TRRAP: variants seen among roughly 807,000 people sequenced by gnomAD.
TRRAP encodes transformation/transcription domain-associated protein.
Under a neutral mutation model 438.8 loss-of-function variants are expected in TRRAP, and 41 were observed. That is an observed-to-expected ratio of 0.09 (90% CI 0.07 to 0.12). The LOEUF (loss-of-function observed/expected upper bound fraction) is 0.12, where lower values mean the gene tolerates loss of function less well. TRRAP is among the 10% of genes least tolerant of loss of function. TRRAP has a pLI of 1.00. For missense variants in TRRAP, 3,122 were observed against 5,055.1 expected (o/e 0.62, Z 11.60); for synonymous variants, 1,994 against 1,962.9 (o/e 1.02, Z -0.42).
intron 67 of TRRAP, chr7:98,998,948 T>C: frequency 1.7e-6 from 1 of 573,782 alleles, no homozygotes; most frequent in South Asian, 2.4e-5. Context: ...AAGGCAAAGT[T>C]ACAGCTGGAG....
intron 67 of TRRAP, among the ~76,000 whole-genome samples, chr7:98,997,483 C>CAAAAAAAAAAAAAAAA (rs61132070): frequency 1.2e-4 from 5 of 42,618 alleles, no homozygotes; most frequent in Non-Finnish European, 1.3e-4. Flanking sequence ...ACTGCTGTTG[C>CAAAAAAAAAAAAAAAA]AAAAAAAAAA....
chr7:99,009,020 A>C (rs1207541796), intron 70 of TRRAP, among the ~76,000 whole-genome samples: 2 of 152,090 alleles, frequency 1.3e-5, no homozygotes, highest in Non-Finnish European at 1.5e-5. Context: ...AAAATACAAA[A>C]AGCGACAGAC....
At chr7:99,007,318 T>C (rs976355907) in intron 69 of TRRAP, among the ~76,000 whole-genome samples, 6 of 152,196 alleles carry the variant, frequency 3.9e-5, no homozygotes, top group African/African-American at 1.4e-4. Flanking sequence ...GGAAAGCCTC[T>C]AAGAGTGAGC....
intron 22 of TRRAP, among the ~76,000 whole-genome samples, 184 bp from the exon 23 acceptor site, chr7:98,926,983 C>A (rs1347034764): frequency 6.6e-6 from 1 of 152,168 alleles, no homozygotes; most frequent in Non-Finnish European, 1.5e-5. Flanking sequence ...CGCGCCATTG[C>A]ACCCCAGCCT....
At chr7:98,900,130 C>G (rs1251550142) in intron 10 of TRRAP, among the ~76,000 whole-genome samples, 1 of 151,926 alleles carries the variant, frequency 6.6e-6, no homozygotes, top group African/African-American at 2.4e-5. Context: ...CCCCATCAGC[C>G]TTCATCTCCA....
At chr7:98,922,350 C>T (rs1240222769) in intron 21 of TRRAP, among the ~76,000 whole-genome samples, 2 of 152,222 alleles carry the variant, frequency 1.3e-5, no homozygotes, top group African/African-American at 4.8e-5. Flanking sequence ...ATTCCTGGCT[C>T]TCATCCCACT....
At chr7:98,880,794 A>C (rs79761995) in intron 1 of TRRAP, among the ~76,000 whole-genome samples, 7 of 152,168 alleles carry the variant, frequency 4.6e-5, no homozygotes, top group African/African-American at 1.7e-4. Context: ...CGTGGCCACA[A>C]AGATTAAAAT....
chr7:98,931,977 C>T (rs1487359901), intron 26 of TRRAP, among the ~76,000 whole-genome samples: 5 of 151,654 alleles, frequency 3.3e-5, no homozygotes, highest in Admixed American at 1.3e-4. Flanking sequence ...GGCTGGAGTG[C>T]AATCCTAGCT....
At chr7:98,904,864 GTGT>G (rs1407705560) in intron 12 of TRRAP, among the ~76,000 whole-genome samples, 1 of 152,186 alleles carries the variant, frequency 6.6e-6, no homozygotes, top group Admixed American at 6.5e-5. Context: ...TGTTAACTGT[GTGT>G]TACAGTTAAA....
chr7:99,011,361 T>G lies in TRRAP; in HGVS notation c.11163T>G (p.Val3721=). 1 of 1,614,212 alleles carries G rather than the reference T, an allele frequency of 6.2e-7. No individual in the cohort carries two copies. The highest frequency in any genetic ancestry group is 8.5e-7 in the Non-Finnish European group (1 of 1,180,010). Residue 3721 remains valine (V), a synonymous_variant, in exon 72 of 73, where the codon GTT becomes GTG. Coordinates refer to ENST00000456197, the MANE Select transcript of TRRAP (RefSeq NM_001375524.1). This position sits in a 1 kb window ranked among gnomAD's most constrained non-coding sequence, Gnocchi z 7.1. The part of the protein sequence containing the change: ...QIAQDTGKLN[V]AYFRFDINDA... ...TTTAGGACACTGGCAAACTGAATGT[T>G]GCCTACTTTCGATTTGACATAAACG...
intron 48 of TRRAP, 25 bp from the exon 49 acceptor site, chr7:98,965,671 G>A (rs1413682015): frequency 7.4e-6 from 12 of 1,613,544 alleles, no homozygotes; most frequent in East Asian, 2.2e-5. Flanking sequence ...AGACCCGTGG[G>A]TTTGTTCTTA....
chr7:98,898,300 C>T (rs1796315520), intron 8 of TRRAP, among the ~76,000 whole-genome samples: 2 of 152,204 alleles, frequency 1.3e-5, no homozygotes, highest in African/African-American at 2.4e-5. Context: ...AATGAACCTG[C>T]GTTCTGACCT....
chr7:98,972,073 T>G (rs1472800169), intron 53 of TRRAP, 128 bp downstream of exon 53: 1 of 1,311,520 alleles, frequency 7.6e-7, no homozygotes, highest in Admixed American at 3.0e-5. Flanking sequence ...GATGGGATGT[T>G]GCTTTGTCAC....
intron 58 of TRRAP, 75 bp from the exon 59 acceptor site, chr7:98,981,694 C>CTT (rs1346048790): frequency 1.2e-5 from 18 of 1,463,820 alleles, no homozygotes; most frequent in Non-Finnish European, 1.6e-5. Context: ...AAAAAGTGAT[C>CTT]TTTTTCCTGT....
chr7:98,891,872 C>T (rs1002603094), intron 4 of TRRAP, among the ~76,000 whole-genome samples: 6 of 152,312 alleles, frequency 3.9e-5, no homozygotes, highest in East Asian at 3.9e-4. Flanking sequence ...TTTTAAAAAA[C>T]GTTCCCATAA....
At chr7:98,966,689 A>G (rs1474487139) in intron 49 of TRRAP, among the ~76,000 whole-genome samples, 1 of 152,212 alleles carries the variant, frequency 6.6e-6, no homozygotes, top group Non-Finnish European at 1.5e-5. Flanking sequence ...TGTCTTAGAA[A>G]AAAAAAAAAG....
At position 98,976,528 on chromosome 7, in the gene TRRAP, C is replaced by T; in HGVS notation, c.8005C>T (p.Gln2669Ter). ...TCCATTTCTGTGCAGCGGCAGTCAC[C>T]AGGTGCAGCGGGACTGCCAGCCCAG... Reference protein sequence around the residue: ...ISPFLCSGSHQVQRDCQPSAL... With the variant: ...ISPFLCSGSH The change falls in exon 55 of 73, where the codon CAG becomes TAG. Residue 2669 changes from glutamine to a stop codon, truncating the protein, a stop_gained. Coordinates refer to ENST00000456197, the MANE Select transcript of TRRAP (RefSeq NM_001375524.1). LOFTEE classifies it high-confidence loss of function. This position sits in a 1 kb window ranked among gnomAD's most constrained non-coding sequence, Gnocchi z 4.6. The T allele has an allele frequency of 6.2e-7, 1 of 1,613,378 alleles. No individual in the cohort carries two copies. The highest frequency in any genetic ancestry group is 8.5e-7 in the Non-Finnish European group (1 of 1,180,032).
intron 61 of TRRAP, 91 bp downstream of exon 61, chr7:98,984,449 A>G: frequency 6.9e-7 from 1 of 1,443,864 alleles, no homozygotes; most frequent in Non-Finnish European, 9.2e-7. Flanking sequence ...TTCAGAATAT[A>G]AGGAAGGTGG....
Position 98,910,281 on chromosome 7 carries a change from C to T in TRRAP, c.1576C>T (p.Pro526Ser). ...ATPVTPAPVP[P>S]FEKQGEKDKE... ...CCCTGTGACCCCGGCCCCCGTGCCT[C>T]CCTTCGAGAAGCAAGGAGAAAAGGA... is the stretch of plus-strand genomic sequence containing the variant. The change falls in exon 15 of 73, where the codon CCC (proline) becomes TCC (serine). Residue 526 changes from proline (P) to serine (S), a missense_variant. This residue lies in a region of TRRAP where 115 missense variants were observed against 124.6 expected (regional missense o/e 0.92). Transcript: ENST00000456197. 1 of 1,602,530 alleles carries T rather than the reference C, an allele frequency of 6.2e-7. No homozygotes were observed. Among genetic ancestry groups the T allele is most frequent in the Non-Finnish European group, 8.5e-7 (1 of 1,179,238 alleles).
Sources: allele counts gnomAD v4.1 joint callset (sites outside exome capture counted in the v4.1 genomes callset), GRCh38; gene constraint gnomAD v4.1.1; regional missense constraint gnomAD v4.1.1; non-coding constraint Gnocchi (gnomAD v3.1); transcripts MANE v1.5; gene names NCBI Gene and HGNC (gene_info 2026-07-23, HGNC 2026-07-21).